The following CFAP221 variants were observed in gnomAD, a reference collection of about 807,000 sequenced individuals.
CFAP221 encodes the protein cilia- and flagella-associated protein 221.
A neutral mutation model predicts 113.1 loss-of-function variants in CFAP221; 97 were observed. The ratio of observed to expected loss-of-function variants is 0.86; its 90% CI spans 0.73 to 1.02. CFAP221 has a LOEUF of 1.02. CFAP221 is among the 50% of genes least tolerant of loss of function. CFAP221 has a pLI of 0.00. For missense variants in CFAP221, 1,025 were observed against 1,013.4 expected (o/e 1.01, Z -0.16); for synonymous variants, 331 against 354.4 (o/e 0.93, Z 0.74).
At chr2:119,633,796 G>T (rs1308965250) in intron 19 of CFAP221, among the ~76,000 whole-genome samples, 2 of 152,238 alleles carry the variant, frequency 1.3e-5, no homozygotes, top group African/African-American at 4.8e-5. Flanking sequence ...TGTTAAGAAG[G>T]CTATTATCAA....
chr2:119,603,462 G>T (rs1684501578), intron 8 of CFAP221, among the ~76,000 whole-genome samples: 1 of 152,188 alleles, frequency 6.6e-6, no homozygotes, highest in African/African-American at 2.4e-5. Flanking sequence ...GCCCTGGGTT[G>T]TAAGGATGCT....
chr2:119,549,284 C>T (rs1680263089), intron 3 of CFAP221, 99 bp downstream of exon 3: 4 of 946,576 alleles, frequency 4.2e-6, no homozygotes, highest in Middle Eastern at 2.7e-4. Flanking sequence ...GCATAATCAG[C>T]CGTAGTGCAA....
intron 23 of CFAP221, among the ~76,000 whole-genome samples, chr2:119,652,581 A>C (rs1688192433): frequency 6.6e-6 from 1 of 152,208 alleles, no homozygotes; most frequent in African/African-American, 2.4e-5. Context: ...GAGCTCAGTA[A>C]ATGTTCTCTC....
Position 119,656,513 on chromosome 2 carries a change from C to A in CFAP221, c.*43C>A. ...GTCCCTTCCATTTGCTTTCCGTGGGCCACTGTGGCCCCTTGCGTCCATTTA... is the reference window on the plus strand; with the variant it reads ...GTCCCTTCCATTTGCTTTCCGTGGGACACTGTGGCCCCTTGCGTCCATTTA... On this transcript the variant is annotated 3_prime_UTR_variant, in exon 24 of 24. Coordinates refer to ENST00000413369, the MANE Select transcript of CFAP221 (RefSeq NM_001271049.2). The A allele has an allele frequency of 7.2e-7, 1 of 1,380,810 alleles. No individual in the cohort carries two copies. The highest frequency in any genetic ancestry group is 1.0e-6 in the Non-Finnish European group (1 of 973,784). The allele number at this position is 1,380,810 out of a possible 1,614,324, so 85.5% of individuals were successfully genotyped here. A position where few individuals can be genotyped will look rare whatever the true frequency, so the allele number is the denominator to read the frequency against.
chr2:119,625,534 G>T, intron 14 of CFAP221, 49 bp from the exon 15 acceptor site: 2 of 1,499,464 alleles, frequency 1.3e-6, no homozygotes, highest in Non-Finnish European at 9.2e-7. Flanking sequence ...ATGCCAAAAT[G>T]AGCGTGTGTT....
rs1451181624 is a variant in CFAP221 at position 119,587,176 on chromosome 2, C to T, written c.585C>T (p.Ile195=). 6.5e-7 allele frequency: 1 copy of T among 1,533,382 alleles called. No homozygotes were observed. Among genetic ancestry groups the T allele is most frequent in the African/African-American group, 1.4e-5 (1 of 73,086 alleles). 95.0% of individuals were successfully genotyped at this position (1,533,382 alleles called of 1,614,324 possible). A position where few individuals can be genotyped will look rare whatever the true frequency, so the allele number is the denominator to read the frequency against. The change falls in exon 7 of 24, where the codon ATC becomes ATT. Residue 195 remains isoleucine, a synonymous_variant. Transcript: ENST00000413369. ...CSCPVDFEFY[I]TLIQSHQAFA... is the part of the protein sequence containing the mutation. ...GCCCTGTAGATTTTGAGTTTTATAT[C>T]ACCTTGATTCAGTCTCATCAAGCCT...
At chr2:119,587,006 C>A in intron 6 of CFAP221, 113 bp from the exon 7 acceptor site, 1 of 697,472 alleles carries the variant, frequency 1.4e-6, no homozygotes, top group Non-Finnish European at 2.3e-6. Context: ...GCCAGATCAG[C>A]ATTGGCAGTC....
intron 19 of CFAP221, among the ~76,000 whole-genome samples, chr2:119,636,565 A>G (rs1188724250): frequency 2.0e-5 from 3 of 152,194 alleles, no homozygotes; most frequent in African/African-American, 7.2e-5. Context: ...ATGAGTCAGT[A>G]GATACTGCCT....
intron 6 of CFAP221, among the ~76,000 whole-genome samples, chr2:119,575,354 C>T (rs1039670458): frequency 2.0e-5 from 3 of 152,172 alleles, no homozygotes; most frequent in African/African-American, 4.8e-5. Flanking sequence ...CACCTCCAGT[C>T]GGCCCTCCTG....
intron 23 of CFAP221, among the ~76,000 whole-genome samples, chr2:119,652,542 G>A (rs895085519): frequency 2.6e-5 from 4 of 152,192 alleles, no homozygotes; most frequent in South Asian, 2.1e-4. Flanking sequence ...AGCCATGGAA[G>A]CACCTAACCA....
Position 119,633,573 on chromosome 2 carries a change from A to G in CFAP221, c.1974+2672A>G, listed in dbSNP as rs187232624. Among the ~76,000 whole-genome samples the G allele has an allele frequency of 4.8e-3, 724 of 151,994 alleles. 3 individuals are homozygous for G. The highest frequency in any genetic ancestry group is 0.016 in the African/African-American group (677 of 41,574). ...AATAAATATATAGTCAGCAAACTAT[A>G]TATTTGATAAGGAGTTAATACCAAA... On this transcript the variant is annotated intron_variant, in intron 19 of 23. Coordinates refer to ENST00000413369, the MANE Select transcript of CFAP221 (RefSeq NM_001271049.2).
At chr2:119,617,559 CT>C (rs1401954087) in intron 14 of CFAP221, among the ~76,000 whole-genome samples, 3 of 152,234 alleles carry the variant, frequency 2.0e-5, no homozygotes, top group Non-Finnish European at 4.4e-5. Flanking sequence ...CAATGATGGG[CT>C]TTGTTCTGAG....
intron 3 of CFAP221, among the ~76,000 whole-genome samples, chr2:119,553,273 A>G (rs921388122): frequency 9.2e-5 from 14 of 152,104 alleles, no homozygotes; most frequent in Admixed American, 8.5e-4. Flanking sequence ...TGGGGCCCAG[A>G]GAAAGACATG....
intron 5 of CFAP221, among the ~76,000 whole-genome samples, chr2:119,561,427 C>CTAA (rs1681238108): frequency 6.6e-6 from 1 of 152,132 alleles, no homozygotes; most frequent in South Asian, 2.1e-4. Flanking sequence ...CCAAATAATG[C>CTAA]TAATAATAAT....
Position 119,647,046 on chromosome 2 carries a change from G to C in CFAP221, c.2314G>C (p.Glu772Gln). ...LPEEDRLETV[E>Q]RELCEQNVEV... is the part of the protein sequence containing the mutation. ...AGAAGAGGACAGACTAGAAACAGTA[G>C]AACGGTATTTTTTTTTTTTTTAATC... Residue 772 changes from glutamate to glutamine, a missense_variant, in exon 22 of 24, where the codon GAA becomes CAA. Transcript: ENST00000413369. 6.6e-7 allele frequency: 1 copy of C among 1,524,466 alleles called. No individual in the cohort carries two copies. Among genetic ancestry groups the C allele is most frequent in the Non-Finnish European group, 8.7e-7 (1 of 1,144,666 alleles). The allele number at this position is 1,524,466 out of a possible 1,614,324, so 94.4% of individuals were successfully genotyped here.
At chr2:119,560,995 T>TA (rs567912072) in intron 5 of CFAP221, among the ~76,000 whole-genome samples, 6 of 148,884 alleles carry the variant, frequency 4.0e-5, no homozygotes, top group African/African-American at 1.2e-4. Flanking sequence ...GAGTTTCAAT[T>TA]AAAAAAAAAA....
intron 23 of CFAP221, among the ~76,000 whole-genome samples, chr2:119,655,161 T>G (rs1467926790): frequency 6.6e-6 from 1 of 152,190 alleles, no homozygotes; most frequent in Non-Finnish European, 1.5e-5. Flanking sequence ...AATCATCTGC[T>G]CTCACTCAAT....
rs763946751 is a variant in CFAP221, at chr2:119,625,691, G to A, written c.1516+3G>A. 1.3e-6 allele frequency: 2 copies of A among 1,596,652 alleles called. No homozygotes were observed. Among genetic ancestry groups the A allele is most frequent in the South Asian group, 1.1e-5 (1 of 90,704 alleles). On this transcript the variant is annotated splice_donor_region_variant and intron_variant, in intron 15 of 23. Transcript: ENST00000413369. ...AGCAAAACAATCGATAGCACAAGGTGAAGTATGGCTGCAAAGCACAGAGAT... is the reference window on the plus strand; with the variant it reads ...AGCAAAACAATCGATAGCACAAGGTAAAGTATGGCTGCAAAGCACAGAGAT...
chr2:119,631,212 AAAAC>A (rs1313739748), intron 19 of CFAP221: 11 of 502,434 alleles, frequency 2.2e-5, no homozygotes, highest in Non-Finnish European at 2.9e-5. Context: ...AATGAAAATG[AAAAC>A]AAACAAAAAA....
Sources: gnomAD v4.1 joint callset for allele counts (sites outside exome capture counted in the v4.1 genomes callset) on GRCh38, gnomAD v4.1.1 for gene constraint, MANE v1.5 for transcripts, NCBI Gene and HGNC (gene_info 2026-07-23, HGNC 2026-07-21) for gene names.